Variants in CHD1L observed in about 807,000 individuals in gnomAD.
CHD1L encodes chromodomain helicase DNA binding protein 1 like.
In CHD1L, 118 loss-of-function variants were observed where a neutral mutation model predicts 115.9. The ratio of observed to expected loss-of-function variants is 1.02; its 90% CI spans 0.88 to 1.19. The LOEUF is 1.19. CHD1L is among the 50% of genes most tolerant of loss of function. The pLI, the probability that CHD1L is intolerant of heterozygous loss-of-function variation, is 0.00. For synonymous variants in CHD1L, 411 were observed against 387.1 expected, an observed-to-expected ratio of 1.06 and a Z score of -0.72; for missense variants, 1,179 against 1,065.3, an observed-to-expected ratio of 1.11 and a Z score of -1.49.
intron 1 of CHD1L, among the ~76,000 whole-genome samples, chr1:147,245,249 C>T (rs1553933131): frequency 6.6e-6 from 1 of 152,238 alleles, no homozygotes; most frequent in East Asian, 1.9e-4. Flanking sequence ...TAGCCAGGCA[C>T]GTGACTGGGA....
chr1:147,265,051 T>C (rs1673341560), intron 7 of CHD1L, among the ~76,000 whole-genome samples: 1 of 152,220 alleles, frequency 6.6e-6, no homozygotes, highest in Non-Finnish European at 1.5e-5. Flanking sequence ...AGCCAAGAGT[T>C]GTAGTCTTCT....
chr1:147,275,793 A>AAG (rs1162892810), intron 13 of CHD1L, among the ~76,000 whole-genome samples: 1 of 151,432 alleles, frequency 6.6e-6, no homozygotes, highest in African/African-American at 2.4e-5. Context: ...AAAAAAAAAA[A>AAG]AAAGAAAGAT....
chr1:147,292,413 C>T (rs1432598843), intron 20 of CHD1L, among the ~76,000 whole-genome samples: 1 of 152,124 alleles, frequency 6.6e-6, no homozygotes, highest in African/African-American at 2.4e-5. Flanking sequence ...TGGCTTTCTC[C>T]AAGGCCTGGG....
At chr1:147,201,485 T>C in the CHD1L span, 4 of 1,613,494 alleles carry the variant, frequency 2.5e-6, no homozygotes, top group South Asian at 2.2e-5. Context: ...TCATTTAAGG[T>C]TGGATGCTGA....
chr1:147,184,454 G>T, the CHD1L span: 1 of 1,389,500 alleles, frequency 7.2e-7, no homozygotes, highest in African/African-American at 1.5e-5. The surrounding 1 kb of genome is among the most constrained non-coding windows in gnomAD (Gnocchi z 4.4). Context: ...TTTTTCTGTT[G>T]CAGGAGTCCA....
rs1235019767 is a variant in CHD1L at position 147,260,005 on chromosome 1, A to G, written c.576+87A>G. ...TTTAGAGTAATTTTAGATTCACAAC[A>G]AAATTGAACAGAAACTACAGATGTT... On this transcript the variant is annotated intron_variant, in intron 6 of 22. Transcript: ENST00000369258. 15 of 1,034,770 alleles carry G rather than the reference A, an allele frequency of 1.4e-5. 1 individual carries two copies. In the Middle Eastern group the frequency reaches 1.1e-3, roughly 78 times the overall value. The allele number at this position is 1,034,770 out of a possible 1,614,324, so 64.1% of individuals were successfully genotyped here.
At chr1:147,232,732 C>T in the CHD1L span, among the ~76,000 whole-genome samples, 37 of 152,306 alleles carry the variant, frequency 2.4e-4, no homozygotes, top group Non-Finnish European at 3.4e-4. Flanking sequence ...AGCTCCTAAC[C>T]GTGAGTGATA....
At chr1:147,259,626 T>TA (rs880000041) in intron 5 of CHD1L, 6,792 of 388,088 alleles carry the variant, frequency 0.018, 14 homozygotes, top group Non-Finnish European at 0.022. Context: ...CCCATTTTGT[T>TA]AAAAAAAAAA....
chr1:147,219,688 T>C, the CHD1L span, among the ~76,000 whole-genome samples: 1 of 151,050 alleles, frequency 6.6e-6, no homozygotes, highest in African/African-American at 2.4e-5. Context: ...GGAATAAAGA[T>C]AACTTTTTAT....
At chr1:147,262,864 A>G (rs1368048505) in intron 6 of CHD1L, among the ~76,000 whole-genome samples, 1 of 152,132 alleles carries the variant, frequency 6.6e-6, no homozygotes, top group Non-Finnish European at 1.5e-5. Context: ...GAAAAGGAAA[A>G]CATCCCAGTA....
At chr1:147,202,874 G>A in the CHD1L span, among the ~76,000 whole-genome samples, 1 of 151,904 alleles carries the variant, frequency 6.6e-6, no homozygotes, top group African/African-American at 2.4e-5. Flanking sequence ...TATATATCTG[G>A]TCACCAAGCC....
chr1:147,281,774 T>C (rs996325038), intron 15 of CHD1L, among the ~76,000 whole-genome samples: 3 of 151,896 alleles, frequency 2.0e-5, no homozygotes, highest in Admixed American at 2.0e-4. Flanking sequence ...TGCATTGACT[T>C]TTACTTCTAC....
chr1:147,187,225 T>C, the CHD1L span: 3 of 1,609,122 alleles, frequency 1.9e-6, no homozygotes, highest in South Asian at 2.2e-5. Flanking sequence ...CTGAATGGTA[T>C]GGCGTTGGCT....
chr1:147,174,655 TA>T, the CHD1L span: 1 of 152,230 alleles, frequency 6.6e-6, no homozygotes, highest in Non-Finnish European at 1.5e-5. Context: ...AGAACAAATG[TA>T]ATGTGACACT....
At chr1:147,270,768 G>C (rs1299250242) in intron 10 of CHD1L, 164 bp from the exon 11 acceptor site, 2 of 595,472 alleles carry the variant, frequency 3.4e-6, no homozygotes, top group Non-Finnish European at 6.0e-6. Context: ...TATTCTCATA[G>C]AAAGCATTTG....
intron 5 of CHD1L, among the ~76,000 whole-genome samples, chr1:147,258,472 C>T (rs1670835517): frequency 1.3e-5 from 2 of 152,304 alleles, no homozygotes; most frequent in South Asian, 4.1e-4. Flanking sequence ...AGAGAAACTT[C>T]CATACCTTAT....
At chr1:147,205,367 C>A in the CHD1L span, among the ~76,000 whole-genome samples, 1 of 152,176 alleles carries the variant, frequency 6.6e-6, no homozygotes, top group Middle Eastern at 3.2e-3. Flanking sequence ...AGCATTATTA[C>A]TGTGAGATAA....
chr1:147,282,135 A>T (rs911979160), intron 15 of CHD1L, among the ~76,000 whole-genome samples: 1 of 152,216 alleles, frequency 6.6e-6, no homozygotes, highest in East Asian at 1.9e-4. Context: ...GAAGTGCCAC[A>T]AAGCTGAGGG....
At chr1:147,280,884 G>A (rs1253570936) in intron 15 of CHD1L, among the ~76,000 whole-genome samples, 1 of 152,142 alleles carries the variant, frequency 6.6e-6, no homozygotes, top group Non-Finnish European at 1.5e-5. Flanking sequence ...AATATGGACT[G>A]GGGTGAGAGG....
Sources: gnomAD v4.1 joint callset for allele counts (sites outside exome capture counted in the v4.1 genomes callset) on GRCh38, gnomAD v4.1.1 for gene constraint, Gnocchi (gnomAD v3.1) non-coding constraint, MANE v1.5 for transcripts, NCBI Gene and HGNC (gene_info 2026-07-23, HGNC 2026-07-21) for gene names.